HHLA2: variants seen among roughly 807,000 people sequenced by gnomAD.
The protein encoded by HHLA2 is HERV-H LTR-associating protein 2.
Under a neutral mutation model 45.9 loss-of-function variants are expected in HHLA2, and 48 were observed. The observed-to-expected ratio is 1.05, with a 90% CI of 0.83 to 1.33. The LOEUF is 1.33. Among genes scored for constraint, HHLA2 ranks in the 40% most tolerant of loss-of-function variants. HHLA2 has a pLI of 0.00. For missense variants in HHLA2, 462 were observed against 494.3 expected (o/e 0.93, Z 0.62); for synonymous variants, 161 against 173.9 (o/e 0.93, Z 0.59).
chr3:108,375,765 G>A (rs775161223), exon 9 of HHLA2: 2 of 1,611,184 alleles, frequency 1.2e-6, no homozygotes, highest in Admixed American at 3.3e-5. Flanking sequence ...CTAGAAGCCA[G>A]GAGGAGCAGA....
At chr3:108,349,914 A>G (rs945307310) in intron 3 of HHLA2, among the ~76,000 whole-genome samples, 5 of 152,174 alleles carry the variant, frequency 3.3e-5, no homozygotes, top group Admixed American at 3.3e-4. Flanking sequence ...GGGAAGATGA[A>G]CCTCTAGCAA....
chr3:108,339,937 G>A (rs966713866), intron 3 of HHLA2, among the ~76,000 whole-genome samples: 6 of 152,138 alleles, frequency 3.9e-5, no homozygotes, highest in African/African-American at 1.4e-4. Context: ...GAAAAATCTG[G>A]TTCAAAAGAC....
chr3:108,338,464 G>A (rs1293549655), intron 3 of HHLA2, among the ~76,000 whole-genome samples: 1 of 151,404 alleles, frequency 6.6e-6, no homozygotes, highest in African/African-American at 2.4e-5. Flanking sequence ...GCTTGTTGGG[G>A]GGCACTCATG....
At chr3:108,364,552 C>A (rs573232306) in intron 8 of HHLA2, among the ~76,000 whole-genome samples, 46 of 152,172 alleles carry the variant, frequency 3.0e-4, no homozygotes, top group Non-Finnish European at 3.4e-4. Flanking sequence ...GGTTCCAGAT[C>A]CTTGAGGAAT....
intron 3 of HHLA2, among the ~76,000 whole-genome samples, chr3:108,339,935 T>C (rs2081536964): frequency 6.6e-6 from 1 of 152,202 alleles, no homozygotes; most frequent in Non-Finnish European, 1.5e-5. Flanking sequence ...AAGAAAAATC[T>C]GGTTCAAAAG....
At chr3:108,354,537 G>A (rs1387027353) in intron 5 of HHLA2, among the ~76,000 whole-genome samples, 1 of 151,956 alleles carries the variant, frequency 6.6e-6, no homozygotes, top group Non-Finnish European at 1.5e-5. Context: ...TGATCAGGCT[G>A]CTGATCATTT....
At chr3:108,369,745 G>A (rs1260144025) in intron 8 of HHLA2, among the ~76,000 whole-genome samples, 1 of 152,224 alleles carries the variant, frequency 6.6e-6, no homozygotes, top group Non-Finnish European at 1.5e-5. Context: ...CAAACTGCAA[G>A]GCAGCAGCGA....
Position 108,317,815 on chromosome 3 carries a change from C to T in HHLA2, c.-105+7074C>T, listed in dbSNP as rs181464014. Among the ~76,000 whole-genome samples the T allele has an allele frequency of 6.1e-3, 924 of 152,004 alleles. 16 individuals carry two copies. Among genetic ancestry groups the T allele is most frequent in the African/African-American group, 0.021 (879 of 41,510 alleles). On this transcript the variant is annotated intron_variant, in intron 2 of 10. Transcript: ENST00000619531. Reference sequence around the variant, plus strand: ...GCCTTGAACTCCTGACCTTGTGATCCGCCCGCCTCAGCCTCCCAAAGTGCT... The same window carrying T: ...GCCTTGAACTCCTGACCTTGTGATCTGCCCGCCTCAGCCTCCCAAAGTGCT...
chr3:108,304,857 G>A (rs1261955209), intron 1 of HHLA2, among the ~76,000 whole-genome samples: 7 of 152,180 alleles, frequency 4.6e-5, no homozygotes, highest in Non-Finnish European at 7.3e-5. Flanking sequence ...CCTGCCTGCA[G>A]CTGTATAAAT....
At chr3:108,323,274 A>G (rs1285881517) in intron 2 of HHLA2, among the ~76,000 whole-genome samples, 1 of 152,104 alleles carries the variant, frequency 6.6e-6, no homozygotes, top group Non-Finnish European at 1.5e-5. Flanking sequence ...AAAGAGTATA[A>G]TTGGATTGTT....
intron 1 of HHLA2, among the ~76,000 whole-genome samples, chr3:108,306,132 G>C (rs564756914): frequency 6.6e-6 from 1 of 152,154 alleles, no homozygotes. Context: ...CAAGCCTGAC[G>C]TTCCTTTCAC....
At chr3:108,303,480 CCTCTT>C (rs1338786026) in intron 1 of HHLA2, among the ~76,000 whole-genome samples, 1 of 151,382 alleles carries the variant, frequency 6.6e-6, no homozygotes, top group African/African-American at 2.4e-5. Context: ...TATCTACAAT[CCTCTT>C]CTCATCCTAT....
chr3:108,371,457 T>C (rs1359516857), intron 8 of HHLA2, among the ~76,000 whole-genome samples: 1 of 152,132 alleles, frequency 6.6e-6, no homozygotes, highest in African/African-American at 2.4e-5. Context: ...AATGACAGGA[T>C]CAAATTCACA....
chr3:108,312,902 G>T (rs1207531967), intron 2 of HHLA2, among the ~76,000 whole-genome samples: 1 of 152,090 alleles, frequency 6.6e-6, no homozygotes, highest in East Asian at 1.9e-4. Flanking sequence ...TGAAATGGAG[G>T]TTGTGAACAG....
chr3:108,356,527 A>G (rs893878738), intron 6 of HHLA2, among the ~76,000 whole-genome samples: 1 of 152,204 alleles, frequency 6.6e-6, no homozygotes, highest in African/African-American at 2.4e-5. Flanking sequence ...TGAGTACCCA[A>G]TGTTCATTCT....
Position 108,353,540 on chromosome 3 carries a change from G to A in HHLA2, c.178G>A (p.Val60Ile), listed in dbSNP as rs140364028. The A allele has an allele frequency of 5.3e-3, 8,574 of 1,613,306 alleles. 34 individuals carry two copies. The highest frequency in any genetic ancestry group is 6.0e-3 in the Non-Finnish European group (7,069 of 1,179,626). Residue 60 changes from valine to isoleucine, a missense_variant, in exon 5 of 11, where the codon GTA (valine) becomes ATA (isoleucine). Val to Ile is a conservative substitution (Grantham distance 29, BLOSUM62 3). Transcript: ENST00000619531. ...TTCATTTGAGAGGGGATCCGAAGTC[G>A]TAATACACTGGAAGTATCAAGATAG...
At chr3:108,325,984 G>A in intron 2 of HHLA2, 2 of 347,792 alleles carry the variant, frequency 5.8e-6, no homozygotes, top group Middle Eastern at 1.1e-3. Context: ...TATCCAGGGA[G>A]TCATGGTCAT....
chr3:108,354,168 G>A (rs1289586395), intron 5 of HHLA2, among the ~76,000 whole-genome samples: 1 of 151,982 alleles, frequency 6.6e-6, no homozygotes, highest in African/African-American at 2.4e-5. Context: ...AAAAAATATT[G>A]AATTGCTGAT....
chr3:108,363,902 G>C (rs1003777918), intron 8 of HHLA2, among the ~76,000 whole-genome samples: 2 of 152,060 alleles, frequency 1.3e-5, no homozygotes, highest in Non-Finnish European at 2.9e-5. Flanking sequence ...GACAAGGACA[G>C]AGAGCAGTTC....
Sources: allele counts gnomAD v4.1 joint callset (sites outside exome capture counted in the v4.1 genomes callset), GRCh38; gene constraint gnomAD v4.1.1; transcripts MANE v1.5; gene names NCBI Gene and HGNC (gene_info 2026-07-23, HGNC 2026-07-21).